Variants in KCNQ1 observed in about 807,000 individuals in gnomAD.
The protein encoded by KCNQ1 is potassium voltage-gated channel subfamily Q member 1.
Under a neutral mutation model 72.4 loss-of-function variants are expected in KCNQ1, and 49 were observed. The observed-to-expected ratio is 0.68, with a 90% CI of 0.54 to 0.86. The LOEUF (loss-of-function observed/expected upper bound fraction) is 0.86. Ranked by LOEUF, KCNQ1 falls within the 40% of genes least tolerant of loss-of-function variation. The probability of loss-of-function intolerance (pLI) is 0.00; values close to 1 mark genes in which losing one functional copy is unlikely to be tolerated. For missense variants in KCNQ1, 790 were observed against 945.1 expected (o/e 0.84, Z 2.15); for synonymous variants, 450 against 412.6 (o/e 1.09, Z -1.10).
intron 11 of KCNQ1, among the ~76,000 whole-genome samples, chr11:2,754,682 A>G (rs1846273067): frequency 6.6e-6 from 1 of 152,210 alleles, no homozygotes; most frequent in South Asian, 2.1e-4. Context: ...ACCTCATGCA[A>G]TCTATAAAAA....
Position 2,668,313 on chromosome 11 carries a change from A to T in KCNQ1, c.1514+6232A>T, listed in dbSNP as rs369251624. On this transcript the variant is annotated intron_variant, in intron 11 of 15. Coordinates refer to ENST00000155840, the MANE Select transcript of KCNQ1 (RefSeq NM_000218.3). This position sits in a 1 kb window ranked among gnomAD's most constrained non-coding sequence, Gnocchi z 4.3. ...GAGCATCAGGTTGCGTTTCTGGGGA[A>T]TATATGCCTATGTGTGGAGCTGCAG... 74 of 398,604 alleles carry T rather than the reference A, an allele frequency of 1.9e-4. No individual in the cohort carries two copies. The highest frequency in any genetic ancestry group is 1.3e-3 in the African/African-American group (65 of 48,732). 24.7% of individuals were successfully genotyped at this position (398,604 alleles called of 1,614,324 possible). A position where few individuals can be genotyped will look rare whatever the true frequency, so the allele number is the denominator to read the frequency against.
At chr11:2,776,141 G>A in intron 13 of KCNQ1, 87 bp downstream of exon 13, 1 of 1,148,460 alleles carries the variant, frequency 8.7e-7, no homozygotes, top group Non-Finnish European at 1.2e-6. Context: ...CCGGAGGAGG[G>A]AGGGGCTGAG....
chr11:2,472,340 G>A (rs1018541149), intron 1 of KCNQ1, among the ~76,000 whole-genome samples: 3 of 151,406 alleles, frequency 2.0e-5, no homozygotes, highest in Admixed American at 6.6e-5. Flanking sequence ...GTGCATGTCT[G>A]TGTGTGTTTG....
chr11:2,459,215 C>T (rs1846239316), intron 1 of KCNQ1, among the ~76,000 whole-genome samples: 1 of 152,220 alleles, frequency 6.6e-6, no homozygotes, highest in East Asian at 1.9e-4. Context: ...ACACTGTGGT[C>T]TGTCTCCTCT....
chr11:2,647,610 G>A lies in KCNQ1; in HGVS notation c.1394-14351G>A, dbSNP rs796331606. The A allele has an allele frequency of 3.0e-5, 12 of 398,534 alleles. No homozygotes were observed. Among genetic ancestry groups the A allele is most frequent in the African/African-American group, 2.3e-4 (11 of 48,746 alleles). 24.7% of individuals were successfully genotyped at this position (398,534 alleles called of 1,614,324 possible). ...TTTAAAGGTTTGGTAGAATTCAGTA[G>A]AAAACCCGTGCAATCCTGAGGTTTT... On this transcript the variant is annotated intron_variant, in intron 10 of 15. Transcript: ENST00000155840. The surrounding 1 kb of genome is among the most constrained non-coding windows in gnomAD (Gnocchi z 4.0).
At position 2,679,342 on chromosome 11, in the gene KCNQ1, T is replaced by C. The variant is rs1023392466; in HGVS notation, c.1514+17261T>C. The stretch of plus-strand genomic sequence containing the variant: ...TGAACTCATATCCTAATTCCACTAC[T>C]TTCTACCTGCTACACCTTGAGTGAG... On this transcript the variant is annotated intron_variant, in intron 11 of 15. Transcript: ENST00000155840. The surrounding 1 kb of genome is among the most constrained non-coding windows in gnomAD (Gnocchi z 4.8). 1 of 398,626 alleles carries C rather than the reference T, an allele frequency of 2.5e-6. No individual in the cohort carries two copies. The highest frequency in any genetic ancestry group is 2.1e-5 in the African/African-American group (1 of 48,738). The allele number at this position is 398,626 out of a possible 1,614,324, so 24.7% of individuals were successfully genotyped here. A position where few individuals can be genotyped will look rare whatever the true frequency, so the allele number is the denominator to read the frequency against.
rs771209430 is a variant in KCNQ1 at position 2,621,265 on chromosome 11, AC to A, written c.1393+32413del. On this transcript the variant is annotated intron_variant, in intron 10 of 15. Coordinates refer to ENST00000155840, the MANE Select transcript of KCNQ1 (RefSeq NM_000218.3). The surrounding 1 kb of genome is among the most constrained non-coding windows in gnomAD (Gnocchi z 5.7). ...AGTGCTAGGACTACAGGCATGAGCC[AC>A]CGTGCCTGGCCTCATTATTTGCATT... is the stretch of plus-strand genomic sequence containing the variant. 6.8e-5 allele frequency: 27 copies of A among 398,396 alleles called. No homozygotes were observed. The highest frequency in any genetic ancestry group is 1.2e-4 in the Non-Finnish European group (27 of 226,076). 24.7% of individuals were successfully genotyped at this position (398,396 alleles called of 1,614,324 possible).
Position 2,748,767 on chromosome 11 carries a change from T to C in KCNQ1, c.1515-20077T>C, listed in dbSNP as rs1454742797. 5.3e-5 allele frequency among the ~76,000 whole-genome samples: 8 copies of C among 152,210 alleles called. No individual in the cohort carries two copies. The highest frequency in any genetic ancestry group is 1.0e-4 in the Non-Finnish European group (7 of 68,026). On this transcript the variant is annotated intron_variant, in intron 11 of 15. Coordinates refer to ENST00000155840, the MANE Select transcript of KCNQ1 (RefSeq NM_000218.3). This position sits in a 1 kb window ranked among gnomAD's most constrained non-coding sequence, Gnocchi z 6.2. ...TCACGTGACAGGGGCAGGCTAGGCC[T>C]TTCTTGAACTCACTGTGAGCTACAG...
Position 2,599,588 on chromosome 11 carries a change from G to A in KCNQ1, c.1393+10734G>A, listed in dbSNP as rs114361362. On this transcript the variant is annotated intron_variant, in intron 10 of 15. Transcript: ENST00000155840. This position sits in a 1 kb window ranked among gnomAD's most constrained non-coding sequence, Gnocchi z 4.7. ...CATAACAAAATACCACAGGCTGGGT[G>A]GCTTAGACAGCAGACATGTATTTCT... 6.7e-3 allele frequency among the ~76,000 whole-genome samples: 1,014 copies of A among 152,272 alleles called. 8 individuals are homozygous for A. Among genetic ancestry groups the A allele is most frequent in the African/African-American group, 0.022 (931 of 41,554 alleles).
chr11:2,833,816 A>G (rs1213821058), intron 15 of KCNQ1, among the ~76,000 whole-genome samples: 4 of 152,154 alleles, frequency 2.6e-5, no homozygotes, highest in Non-Finnish European at 4.4e-5. Context: ...GGGGAAGGCC[A>G]GAGTGTCCAG....
chr11:2,565,292 C>T lies in KCNQ1; in HGVS notation c.478-5336C>T, dbSNP rs1848231811. 6.6e-6 allele frequency among the ~76,000 whole-genome samples: 1 copy of T among 152,102 alleles called. No individual in the cohort carries two copies. The highest frequency in any genetic ancestry group is 2.4e-5 in the African/African-American group (1 of 41,420). On this transcript the variant is annotated intron_variant, in intron 2 of 15. Coordinates refer to ENST00000155840, the MANE Select transcript of KCNQ1 (RefSeq NM_000218.3). This position sits in a 1 kb window ranked among gnomAD's most constrained non-coding sequence, Gnocchi z 5.6. ...CGGATCCTTGGGAGCACTTGTCACT[C>T]TGTTTGGGGTGGCAGCCACCCTAAT...
rs1243822774 is a variant in KCNQ1 at position 2,447,228 on chromosome 11, C to A, written c.386+1744C>A. Among the ~76,000 whole-genome samples, 3 of 152,110 alleles carry A rather than the reference C, an allele frequency of 2.0e-5. No homozygotes were observed. The highest frequency in any genetic ancestry group is 7.2e-5 in the African/African-American group (3 of 41,400). Reference sequence around the variant, plus strand: ...ATTGTTTAGGTCTCGGAAGTTTGCTCAGCAAGAGTCTACCTTCGCCCAGCC... The same window carrying A: ...ATTGTTTAGGTCTCGGAAGTTTGCTAAGCAAGAGTCTACCTTCGCCCAGCC... On this transcript the variant is annotated intron_variant, in intron 1 of 15. Coordinates refer to ENST00000155840, the MANE Select transcript of KCNQ1 (RefSeq NM_000218.3). This position sits in a 1 kb window ranked among gnomAD's most constrained non-coding sequence, Gnocchi z 7.6.
intron 11 of KCNQ1, among the ~76,000 whole-genome samples, chr11:2,761,367 T>C (rs1222013607): frequency 5.3e-5 from 8 of 152,184 alleles, no homozygotes; most frequent in African/African-American, 1.7e-4. Context: ...TGCCGATGTG[T>C]TCCTCTTGAT....
intron 1 of KCNQ1, among the ~76,000 whole-genome samples, chr11:2,456,938 CAA>C (rs58543586): frequency 3.8e-5 from 2 of 52,082 alleles, no homozygotes; most frequent in Non-Finnish European, 1.1e-4. Flanking sequence ...GACTCGGTCT[CAA>C]AAAAAAAAAA....
In KCNQ1 at chr11:2,464,275, G is replaced by A. The variant is rs1235306599; in HGVS notation, c.386+18791G>A. The stretch of plus-strand genomic sequence containing the variant: ...TTCGTCGTGGTCACCCCTGGGTGTG[G>A]GCTGTGGGTTTTAATCTTTTCATTT... On this transcript the variant is annotated intron_variant, in intron 1 of 15. Transcript: ENST00000155840. This position sits in a 1 kb window ranked among gnomAD's most constrained non-coding sequence, Gnocchi z 5.0. 1.3e-5 allele frequency among the ~76,000 whole-genome samples: 2 copies of A among 152,104 alleles called. No individual in the cohort carries two copies. The highest frequency in any genetic ancestry group is 2.9e-5 in the Non-Finnish European group (2 of 68,024).
At chr11:2,786,722 T>C (rs1263820509) in intron 15 of KCNQ1, among the ~76,000 whole-genome samples, 2 of 152,194 alleles carry the variant, frequency 1.3e-5, no homozygotes, top group Non-Finnish European at 2.9e-5. Flanking sequence ...TATTATTTTA[T>C]TTATAAAAGT....
chr11:2,563,755 C>A lies in KCNQ1; in HGVS notation c.478-6873C>A, dbSNP rs1332539101. ...AAGATTAGGGGAATTTTACAGCTTG[C>A]CTGTGTTTTTCCACCCAGGGCCCTT... On this transcript the variant is annotated intron_variant, in intron 2 of 15. Coordinates refer to ENST00000155840, the MANE Select transcript of KCNQ1 (RefSeq NM_000218.3). The surrounding 1 kb of genome is among the most constrained non-coding windows in gnomAD (Gnocchi z 7.4). Among the ~76,000 whole-genome samples, 2 of 152,228 alleles carry A rather than the reference C, an allele frequency of 1.3e-5. No homozygotes were observed. The highest frequency in any genetic ancestry group is 4.8e-5 in the African/African-American group (2 of 41,466).
At chr11:2,518,496 A>G (rs1269540606) in intron 1 of KCNQ1, among the ~76,000 whole-genome samples, 1 of 152,182 alleles carries the variant, frequency 6.6e-6, no homozygotes, top group Admixed American at 6.5e-5. Flanking sequence ...GTGTGGACCC[A>G]GCCGAAAGCT....
In KCNQ1 at chr11:2,621,371, C is replaced by T; in HGVS notation, c.1393+32517C>T. 1 of 398,550 alleles carries T rather than the reference C, an allele frequency of 2.5e-6. No individual in the cohort carries two copies. Among genetic ancestry groups the T allele is most frequent in the Non-Finnish European group, 4.4e-6 (1 of 226,048 alleles). The allele number at this position is 398,550 out of a possible 1,614,324, so 24.7% of individuals were successfully genotyped here. ...CTTTTAAGAAATGTATGTTCCTGTC[C>T]TTTGCCAATTCAATTGGATTATTCG... On this transcript the variant is annotated intron_variant, in intron 10 of 15. Transcript: ENST00000155840. This position sits in a 1 kb window ranked among gnomAD's most constrained non-coding sequence, Gnocchi z 5.7.
Sources: allele counts gnomAD v4.1 joint callset (sites outside exome capture counted in the v4.1 genomes callset), GRCh38; gene constraint gnomAD v4.1.1; non-coding constraint Gnocchi (gnomAD v3.1); transcripts MANE v1.5; gene names NCBI Gene and HGNC (gene_info 2026-07-23, HGNC 2026-07-21).